The following ARV1 variants were observed in gnomAD, a reference collection of about 807,000 sequenced individuals.
ARV1 encodes the protein protein ARV1.
Under a neutral mutation model 31.1 loss-of-function variants are expected in ARV1, and 26 were observed. That is an observed-to-expected ratio of 0.84 (90% CI 0.61 to 1.16). The LOEUF (loss-of-function observed/expected upper bound fraction) is 1.16. Among genes scored for constraint, ARV1 ranks in the 50% most tolerant of loss-of-function variants. The pLI is 0.00. For synonymous variants in ARV1, 117 were observed against 123.2 expected (o/e 0.95, Z 0.34); for missense variants, 281 against 324.9 (o/e 0.86, Z 1.04).
intron 3 of ARV1, among the ~76,000 whole-genome samples, chr1:230,992,447 C>T (rs1215525273): frequency 2.6e-5 from 4 of 152,288 alleles, no homozygotes; most frequent in Non-Finnish European, 5.9e-5. Context: ...TCTCCTGTTC[C>T]GGCTCTACTT....
At chr1:230,991,653 A>C (rs1679230193) in intron 3 of ARV1, among the ~76,000 whole-genome samples, 1 of 135,252 alleles carries the variant, frequency 7.4e-6, no homozygotes, top group Admixed American at 7.6e-5. Context: ...TTTTTTTGAG[A>C]CGGAGTCTCA....
At chr1:230,991,109 T>G (rs1473823696) in intron 3 of ARV1, among the ~76,000 whole-genome samples, 1 of 152,226 alleles carries the variant, frequency 6.6e-6, no homozygotes, top group African/African-American at 2.4e-5. Context: ...TTTCAGAATT[T>G]CACTTCATAA....
At chr1:230,980,779 A>AG (rs59165703) in intron 1 of ARV1, among the ~76,000 whole-genome samples, 2 of 150,734 alleles carry the variant, frequency 1.3e-5, no homozygotes, top group Non-Finnish European at 3.0e-5. Context: ...AAAAAAAAAA[A>AG]CCAACACCAC....
In ARV1 at chr1:230,990,232, T is replaced by C. The variant is rs1206331135; in HGVS notation, c.417T>C (p.Asp139=). The change falls in exon 3 of 6, where the codon GAT becomes GAC. Residue 139 remains aspartate (D), a synonymous_variant. Transcript: ENST00000310256. ...TGATCAGATATGCTAAGGAATGGGA[T>C]TTCTATAGAATGTTTGCGATTGCTG... The part of the protein sequence containing the change: ...DDLIRYAKEW[D]FYRMFAIAAL... 6.2e-7 allele frequency: 1 copy of C among 1,612,934 alleles called. No individual in the cohort carries two copies. Among genetic ancestry groups the C allele is most frequent in the South Asian group, 1.1e-5 (1 of 90,720 alleles).
chr1:230,988,629 C>T (rs773050798), intron 2 of ARV1, among the ~76,000 whole-genome samples, 190 bp downstream of exon 2: 43 of 152,168 alleles, frequency 2.8e-4, no homozygotes, highest in Non-Finnish European at 5.0e-4. Flanking sequence ...GAAAGGTGCA[C>T]AATGCTTAGT....
intron 3 of ARV1, among the ~76,000 whole-genome samples, chr1:230,993,132 C>T (rs1163152606): frequency 6.6e-6 from 1 of 151,922 alleles, no homozygotes; most frequent in Non-Finnish European, 1.5e-5. Flanking sequence ...GCTCTGTCAC[C>T]GAGGCTAGGG....
At chr1:230,992,225 G>A (rs1679248523) in intron 3 of ARV1, among the ~76,000 whole-genome samples, 1 of 152,070 alleles carries the variant, frequency 6.6e-6, no homozygotes, top group Non-Finnish European at 1.5e-5. Context: ...TTTATCCACA[G>A]CTGTCATCTC....
In ARV1 at chr1:231,000,471, A is replaced by G. The variant is rs1201860459; in HGVS notation, c.*338A>G. 6.6e-6 allele frequency: 1 copy of G among 152,238 alleles called. No individual in the cohort carries two copies. The highest frequency in any genetic ancestry group is 1.5e-5 in the Non-Finnish European group (1 of 68,048). 9.4% of individuals were successfully genotyped at this position (152,238 alleles called of 1,614,324 possible). ...AAGCGCTCATAATTCACACATAATA[A>G]AACATCTAGGTTTCATTCCTTTGAC... On this transcript the variant is annotated 3_prime_UTR_variant, in exon 6 of 6. Transcript: ENST00000310256.
chr1:230,997,198 T>C lies in ARV1; in HGVS notation c.751T>C (p.Phe251Leu). 1 of 1,613,698 alleles carries C rather than the reference T, an allele frequency of 6.2e-7. No individual in the cohort carries two copies. The highest frequency in any genetic ancestry group is 8.5e-7 in the Non-Finnish European group (1 of 1,179,554). The change falls in exon 5 of 6, where the codon TTC (phenylalanine) becomes CTC (leucine). Residue 251 changes from phenylalanine to leucine, a missense_variant. By Grantham distance (22) the Phe-to-Leu change is conservative (BLOSUM62 0). Transcript: ENST00000310256. ...GLLLESIMVY[F>L]FQSMEWDVGS... ...ACTGCTGGAAAGCATCATGGTCTAC[T>C]TCTTCCAGAGTATGGAATGGGATGT...
rs755795784 is a variant in ARV1 at position 230,979,189 on chromosome 1, C to T, written c.84C>T (p.Ala28=). The T allele has an allele frequency of 1.2e-6, 2 of 1,613,300 alleles. No homozygotes were observed. Among genetic ancestry groups the T allele is most frequent in the South Asian group, 2.2e-5 (2 of 90,966 alleles). Residue 28 remains alanine, a synonymous_variant, in exon 1 of 6, where the codon GCC becomes GCT. Coordinates refer to ENST00000310256, the MANE Select transcript of ARV1 (RefSeq NM_022786.3). ...CAGCGACTCCTACTGCTGCCTCGGC[C>T]TCCTGCCAGTACAGGTGCATCGAAT... The part of the protein sequence containing the change: ...GVAATPTAAS[A]SCQYRCIECN...
intron 1 of ARV1, among the ~76,000 whole-genome samples, chr1:230,986,463 G>T (rs186495301): frequency 5.9e-5 from 9 of 151,860 alleles, no homozygotes; most frequent in Admixed American, 3.3e-4. Context: ...TTTTACACTC[G>T]CAACTCTTCT....
In ARV1 at chr1:230,979,175, A is replaced by G. The variant is rs762304664; in HGVS notation, c.70A>G (p.Thr24Ala). The change falls in exon 1 of 6, where the codon ACT (threonine) becomes GCT (alanine). Residue 24 changes from threonine to alanine, a missense_variant. Physicochemically the swap from Thr to Ala is moderately conservative, Grantham distance 58. Coordinates refer to ENST00000310256, the MANE Select transcript of ARV1 (RefSeq NM_022786.3). ...CGTGGATGGGGTGGCAGCGACTCCT[A>G]CTGCTGCCTCGGCCTCCTGCCAGTA... Reference protein sequence around the residue: ...GNVDGVAATPTAASASCQYRC... With the variant: ...GNVDGVAATPAAASASCQYRC... 30 of 1,613,076 alleles carry G rather than the reference A, an allele frequency of 1.9e-5. No individual in the cohort carries two copies. In the South Asian group the frequency reaches 3.3e-4, roughly 18 times the overall value.
intron 3 of ARV1, among the ~76,000 whole-genome samples, chr1:230,992,103 C>T (rs528418744): frequency 6.6e-6 from 1 of 152,310 alleles, no homozygotes; most frequent in South Asian, 2.1e-4. Context: ...CAAATCAGAT[C>T]ATGTCACTGT....
intron 1 of ARV1, among the ~76,000 whole-genome samples, chr1:230,982,558 C>T (rs1318603681): frequency 6.6e-6 from 1 of 152,158 alleles, no homozygotes; most frequent in African/African-American, 2.4e-5. Flanking sequence ...CTCTTTCTCC[C>T]AAGAGATGGA....
chr1:230,985,369 G>A (rs1679036525), intron 1 of ARV1, among the ~76,000 whole-genome samples: 1 of 152,160 alleles, frequency 6.6e-6, no homozygotes. Context: ...TATCATAGAG[G>A]CATGTTTGTC....
At chr1:230,990,013 A>G in intron 2 of ARV1, 97 bp from the exon 3 acceptor site, 1 of 1,277,834 alleles carries the variant, frequency 7.8e-7, no homozygotes. Context: ...GAATTTGAAA[A>G]GTGACTAGGT....
At chr1:230,991,963 C>T (rs1383882508) in intron 3 of ARV1, among the ~76,000 whole-genome samples, 1 of 152,186 alleles carries the variant, frequency 6.6e-6, no homozygotes, top group Non-Finnish European at 1.5e-5. Context: ...ACCCTCCATT[C>T]CCTCCACGGC....
At chr1:230,990,322 T>G (rs1679195603) in intron 3 of ARV1, 59 bp downstream of exon 3, 2 of 1,585,818 alleles carry the variant, frequency 1.3e-6, no homozygotes, top group East Asian at 4.5e-5. Flanking sequence ...CTAATCTGGT[T>G]AAAACTAAGA....
intron 3 of ARV1, among the ~76,000 whole-genome samples, chr1:230,995,230 G>A (rs2103055376): frequency 6.6e-6 from 1 of 152,258 alleles, no homozygotes; most frequent in Admixed American, 6.5e-5. Context: ...GAAGTGTAAG[G>A]AATTGCATTT....
Sources: gnomAD v4.1 joint callset for allele counts (sites outside exome capture counted in the v4.1 genomes callset) on GRCh38, gnomAD v4.1.1 for gene constraint, MANE v1.5 for transcripts, NCBI Gene and HGNC (gene_info 2026-07-23, HGNC 2026-07-21) for gene names.